DPYD: variants seen among roughly 807,000 people sequenced by gnomAD.
DPYD encodes the protein dihydropyrimidine dehydrogenase [NADP(+)].
In DPYD, 109 loss-of-function variants were observed where a neutral mutation model predicts 116.2. The ratio of observed to expected loss-of-function variants is 0.94; its 90% confidence interval spans 0.80 to 1.10. DPYD has a LOEUF of 1.10. Ranked by LOEUF, DPYD falls within the 50% of genes least tolerant of loss-of-function variation. The pLI is 0.00. For missense variants in DPYD, 1,302 were observed against 1,254.5 expected, an observed-to-expected ratio of 1.04 and a Z score of -0.57; for synonymous variants, 440 against 432.0, an observed-to-expected ratio of 1.02 and a Z score of -0.23.
intron 8 of DPYD, among the ~76,000 whole-genome samples, chr1:97,658,002 A>C (rs1038179747): frequency 7.2e-5 from 11 of 152,166 alleles, no homozygotes; most frequent in African/African-American, 2.7e-4. Flanking sequence ...CTATAGGAAC[A>C]CAACTACTGA....
At chr1:97,363,045 A>G (rs1397919592) in intron 16 of DPYD, among the ~76,000 whole-genome samples, 2 of 152,218 alleles carry the variant, frequency 1.3e-5, no homozygotes, top group Middle Eastern at 3.2e-3. Context: ...AATTTCTGCA[A>G]TCTACCCATC....
At position 97,440,066 on chromosome 1, in the gene DPYD, G is replaced by A. The variant is rs573678836; in HGVS notation, c.1905+9993C>T. On this transcript the variant is annotated intron_variant, in intron 14 of 22. Transcript: ENST00000370192. ...CGAGGCGGGGGGATCACCTGAGGTC[G>A]GGAGTTCGAGACCAGCCTGACCAAC... Among the ~76,000 whole-genome samples, 14 of 151,966 alleles carry A rather than the reference G, an allele frequency of 9.2e-5. No homozygotes were observed. The East Asian group carries it at 1.4e-3, about 15-fold the overall frequency.
rs1182749243 is a variant in DPYD at position 97,721,674 on chromosome 1, G to A, written c.322-3C>T. 10 of 1,610,024 alleles carry A rather than the reference G, an allele frequency of 6.2e-6. No individual in the cohort carries two copies. In the East Asian group the frequency reaches 2.0e-4, roughly 32 times the overall value. On this transcript the variant is annotated splice_polypyrimidine_tract_variant and splice_region_variant and intron_variant, in intron 4 of 22. Coordinates refer to ENST00000370192, the MANE Select transcript of DPYD (RefSeq NM_000110.4). ...ATCTTAGCAGCTCCATAATAGTTCT[G>A]CAAAATTAATACAAAATAAAATTTT...
intron 18 of DPYD, among the ~76,000 whole-genome samples, chr1:97,242,055 ATG>A (rs1174079720): frequency 6.9e-6 from 1 of 144,766 alleles, no homozygotes; most frequent in Non-Finnish European, 1.5e-5. Context: ...ATGGTAGTAA[ATG>A]TGTGTATCTG....
intron 12 of DPYD, among the ~76,000 whole-genome samples, chr1:97,522,833 A>G (rs1648783266): frequency 6.6e-6 from 1 of 152,200 alleles, no homozygotes; most frequent in African/African-American, 2.4e-5. Context: ...TATATTTTGC[A>G]GAACTAACAT....
intron 2 of DPYD, chr1:97,855,167 T>C (rs1670760149): frequency 6.6e-6 from 1 of 152,246 alleles, no homozygotes; most frequent in Non-Finnish European, 1.5e-5. Context: ...TGTATACGTG[T>C]GTTCTCGAAA....
At chr1:97,293,951 CA>C (rs35531075) in intron 18 of DPYD, among the ~76,000 whole-genome samples, 1 of 151,162 alleles carries the variant, frequency 6.6e-6, no homozygotes, top group Non-Finnish European at 1.5e-5. Flanking sequence ...CTGTCACAAA[CA>C]AAAAAAACCA....
chr1:97,316,283 C>T lies in DPYD; in HGVS notation c.2059-9986G>A, dbSNP rs143193135. On this transcript the variant is annotated intron_variant, in intron 16 of 22. Coordinates refer to ENST00000370192, the MANE Select transcript of DPYD (RefSeq NM_000110.4). ...GGAGGGTGGATCACTTGAGGTCAGGCGTTCAAGACCACCCTGGCCCACATG... is the reference window on the plus strand; with the variant it reads ...GGAGGGTGGATCACTTGAGGTCAGGTGTTCAAGACCACCCTGGCCCACATG... Among the ~76,000 whole-genome samples the T allele has an allele frequency of 3.5e-3, 533 of 150,430 alleles. 3 individuals carry two copies. Among genetic ancestry groups the T allele is most frequent in the African/African-American group, 0.012 (511 of 40,960 alleles).
At chr1:97,459,350 A>G (rs1676888407) in intron 13 of DPYD, among the ~76,000 whole-genome samples, 1 of 152,180 alleles carries the variant, frequency 6.6e-6, no homozygotes, top group African/African-American at 2.4e-5. Flanking sequence ...AAGCAAATGG[A>G]GAGAACTAGG....
intron 5 of DPYD, chr1:97,719,923 G>A: frequency 1.0e-6 from 1 of 984,882 alleles, no homozygotes; most frequent in Non-Finnish European, 1.2e-6. Flanking sequence ...CTCTTCATTA[G>A]GTGATACTTA....
chr1:97,893,452 A>ATATATG (rs1391295546), intron 1 of DPYD, among the ~76,000 whole-genome samples: 1 of 142,898 alleles, frequency 7.0e-6, no homozygotes, highest in African/African-American at 2.5e-5. Context: ...ATATATATAT[A>ATATATG]TATATATATA....
chr1:97,707,062 G>A (rs761369262), intron 5 of DPYD, among the ~76,000 whole-genome samples: 12 of 151,872 alleles, frequency 7.9e-5, no homozygotes, highest in Non-Finnish European at 1.6e-4. Flanking sequence ...TTGTGTCTAC[G>A]CCCCCATTTC....
chr1:97,154,738 G>T (rs1017101665), intron 20 of DPYD, among the ~76,000 whole-genome samples: 2 of 151,796 alleles, frequency 1.3e-5, no homozygotes, highest in Non-Finnish European at 2.9e-5. Flanking sequence ...ATATAATGTG[G>T]GCTTAGGGGA....
intron 20 of DPYD, among the ~76,000 whole-genome samples, chr1:97,162,757 A>C (rs973181706): frequency 1.4e-4 from 22 of 152,336 alleles, no homozygotes; most frequent in African/African-American, 4.8e-4. Context: ...TAACCAAAAC[A>C]GCATGGTACT....
intron 14 of DPYD, among the ~76,000 whole-genome samples, chr1:97,448,459 T>A (rs1676212760): frequency 6.6e-6 from 1 of 152,154 alleles, no homozygotes; most frequent in Non-Finnish European, 1.5e-5. Flanking sequence ...TTAAAATAAA[T>A]AAAACTTTTG....
chr1:97,390,821 T>C (rs1672651601), intron 14 of DPYD, among the ~76,000 whole-genome samples: 1 of 151,754 alleles, frequency 6.6e-6, no homozygotes, highest in Admixed American at 6.6e-5. Context: ...GTAACTTGCT[T>C]TTTCCTCCCC....
At chr1:97,680,919 G>A (rs1660395970) in intron 7 of DPYD, among the ~76,000 whole-genome samples, 1 of 152,050 alleles carries the variant, frequency 6.6e-6, no homozygotes, top group Non-Finnish European at 1.5e-5. Context: ...CCATATAGAA[G>A]GAAGCACAAT....
At chr1:97,157,402 C>T (rs886473932) in intron 20 of DPYD, among the ~76,000 whole-genome samples, 1 of 152,170 alleles carries the variant, frequency 6.6e-6, no homozygotes, top group South Asian at 2.1e-4. Flanking sequence ...GTATTACCAT[C>T]ATCTTGCCTT....
At chr1:97,086,471 T>TA (rs1392966618) in intron 21 of DPYD, among the ~76,000 whole-genome samples, 1 of 152,130 alleles carries the variant, frequency 6.6e-6, no homozygotes, top group African/African-American at 2.4e-5. Context: ...CTGAATTTAT[T>TA]ACGACTAATA....
Sources: allele counts gnomAD v4.1 joint callset (sites outside exome capture counted in the v4.1 genomes callset), GRCh38; gene constraint gnomAD v4.1.1; transcripts MANE v1.5; gene names NCBI Gene and HGNC (gene_info 2026-07-23, HGNC 2026-07-21).